Variants in GREB1L observed in about 807,000 individuals in gnomAD.
GREB1L encodes the protein GREB1 like retinoic acid receptor coactivator.
GREB1L carries 17 observed loss-of-function variants against 200.8 expected under a neutral mutation model. The observed-to-expected ratio is 0.08, with a 90% confidence interval of 0.06 to 0.13. The LOEUF is 0.13. GREB1L is among the 10% of genes least tolerant of loss of function. The probability of loss-of-function intolerance (pLI) is 1.00; values close to 1 mark genes in which losing one functional copy is unlikely to be tolerated. For synonymous variants in GREB1L, 789 were observed against 893.0 expected (o/e 0.88, Z 2.08); for missense variants, 1,657 against 2,367.7 (o/e 0.70, Z 6.23).
intron 6 of GREB1L, among the ~76,000 whole-genome samples, chr18:21,402,075 T>G (rs1301712942): frequency 6.6e-6 from 1 of 152,212 alleles, no homozygotes; most frequent in East Asian, 1.9e-4. Flanking sequence ...TTCTCTTAGT[T>G]ATCTTTGAAG....
chr18:21,441,464 T>C lies in GREB1L; in HGVS notation c.1134T>C (p.Ile378=). Residue 378 remains isoleucine, a synonymous_variant, in exon 10 of 33, where the codon ATT becomes ATC. Transcript: ENST00000424526. ...CTGGAATTTTACAACCCAGGCCCAT[T>C]CCTGCAGGGGAAACTGTAATTGTTC... The part of the protein sequence containing the change: ...PLTGILQPRP[I]PAGETVIVPE... 1.3e-6 allele frequency: 2 copies of C among 1,551,640 alleles called. No individual in the cohort carries two copies. The highest frequency in any genetic ancestry group is 2.4e-5 in the South Asian group (2 of 84,052).
chr18:21,367,261 C>A (rs965326842), intron 2 of GREB1L, among the ~76,000 whole-genome samples: 2 of 152,126 alleles, frequency 1.3e-5, no homozygotes, highest in Admixed American at 1.3e-4. Context: ...GGAATGCTCG[C>A]TTTTGTCTAA....
chr18:21,465,647 G>A (rs1217563524), intron 15 of GREB1L, among the ~76,000 whole-genome samples: 1 of 152,126 alleles, frequency 6.6e-6, no homozygotes, highest in Non-Finnish European at 1.5e-5. Context: ...AATAGAATGT[G>A]AAGTTAAAAT....
rs2037650137 is a variant in GREB1L at position 21,524,340 on chromosome 18, A to G, written c.*1519A>G. 2 of 152,230 alleles carry G rather than the reference A, an allele frequency of 1.3e-5. No individual in the cohort carries two copies. Among genetic ancestry groups the G allele is most frequent in the Non-Finnish European group, 2.9e-5 (2 of 68,032 alleles). 9.4% of individuals were successfully genotyped at this position (152,230 alleles called of 1,614,324 possible). On this transcript the variant is annotated 3_prime_UTR_variant, in exon 33 of 33. Transcript: ENST00000424526. ...GGTTTGCAGATCTCTTGGTTTTAAT[A>G]TAGCTACTTATAATGCTTTAACTGT...
At chr18:21,330,493 G>A (rs900701438) in intron 1 of GREB1L, among the ~76,000 whole-genome samples, 5 of 152,308 alleles carry the variant, frequency 3.3e-5, no homozygotes, top group Non-Finnish European at 7.4e-5. Flanking sequence ...TCCATTTCGT[G>A]TTGATTGCTT....
At chr18:21,244,805 T>C (rs1442219236) in intron 1 of GREB1L, among the ~76,000 whole-genome samples, 3 of 152,208 alleles carry the variant, frequency 2.0e-5, no homozygotes, top group African/African-American at 7.2e-5. Context: ...GGGCCTCTCA[T>C]GTCACCTTGT....
In GREB1L at chr18:21,490,098, C is replaced by T. The variant is rs569900756; in HGVS notation, c.2777C>T (p.Ala926Val). 6.1e-4 allele frequency: 945 copies of T among 1,551,868 alleles called. 16 individuals carry two copies. The South Asian group carries it at 0.011, about 18-fold the overall frequency. ...SEALMALTTMASLRDHSTPET... is the reference protein window; with the variant it reads ...SEALMALTTMVSLRDHSTPET... ...GCCCTGATGGCTCTCACCACCATGGCGTCACTCCGCGACCACAGCACACCA... is the reference window on the plus strand; with the variant it reads ...GCCCTGATGGCTCTCACCACCATGGTGTCACTCCGCGACCACAGCACACCA... The change falls in exon 19 of 33, where the codon GCG becomes GTG. Residue 926 changes from alanine to valine, a missense_variant. Around this residue, in one of 9 missense-constraint regions of GREB1L, gnomAD observed 82 missense variants for 95.9 expected, o/e 0.85. Transcript: ENST00000424526.
intron 7 of GREB1L, among the ~76,000 whole-genome samples, chr18:21,407,008 G>A (rs559312667): frequency 1.3e-5 from 2 of 151,738 alleles, no homozygotes; most frequent in Admixed American, 1.3e-4. Context: ...CCGAGTAGCT[G>A]GGATTACAGG....
intron 1 of GREB1L, chr18:21,363,963 T>C (rs2039619035): frequency 6.6e-6 from 1 of 152,238 alleles, no homozygotes; most frequent in African/African-American, 2.4e-5. Flanking sequence ...GAATATATTA[T>C]GTGAGGATTT....
Position 21,525,010 on chromosome 18 carries a change from G to GTATATATATATA in GREB1L, c.*2190_*2191insATATATATATAT, listed in dbSNP as rs2037660908. On this transcript the variant is annotated 3_prime_UTR_variant, in exon 33 of 33. Transcript: ENST00000424526. ...ACAAGCACAGGACACCATGATTTGT[G>GTATATATATATA]TGTATATATATATATATCCTAGTGT... 1 of 6,996 alleles carries GTATATATATATA rather than the reference G, an allele frequency of 1.4e-4. No individual in the cohort carries two copies. Among genetic ancestry groups the GTATATATATATA allele is most frequent in the African/African-American group, 1.7e-4 (1 of 5,976 alleles). The allele number at this position is 6,996 out of a possible 1,614,324, so 0.4% of individuals were successfully genotyped here.
At chr18:21,312,879 G>A (rs573333257) in intron 1 of GREB1L, among the ~76,000 whole-genome samples, 38 of 152,252 alleles carry the variant, frequency 2.5e-4, no homozygotes, top group South Asian at 6.2e-4. Context: ...ACTGGTGTGA[G>A]ATCATATCTC....
At chr18:21,357,100 G>T in intron 1 of GREB1L, among the ~76,000 whole-genome samples, 1 of 152,146 alleles carries the variant, frequency 6.6e-6, no homozygotes, top group African/African-American at 2.4e-5. Flanking sequence ...TGTTGCCCAG[G>T]CTGGAGTGCA....
intron 28 of GREB1L, among the ~76,000 whole-genome samples, chr18:21,515,130 G>A (rs1006109299): frequency 6.6e-6 from 1 of 152,072 alleles, no homozygotes; most frequent in Non-Finnish European, 1.5e-5. Flanking sequence ...CCAACCTCCG[G>A]CTACCTCTTC....
intron 17 of GREB1L, among the ~76,000 whole-genome samples, chr18:21,485,013 C>G (rs909878185): frequency 1.3e-5 from 2 of 152,150 alleles, no homozygotes; most frequent in African/African-American, 4.8e-5. Context: ...TGTCACACTT[C>G]TCAAGATCCT....
intron 7 of GREB1L, among the ~76,000 whole-genome samples, chr18:21,420,367 C>A (rs1355066296): frequency 1.3e-5 from 2 of 148,668 alleles, no homozygotes; most frequent in Non-Finnish European, 3.0e-5. Flanking sequence ...GTGAGAGACT[C>A]CATCTCGAAA....
intron 1 of GREB1L, among the ~76,000 whole-genome samples, chr18:21,319,374 C>T (rs112903482): frequency 1.4e-4 from 21 of 152,306 alleles, no homozygotes; most frequent in African/African-American, 4.6e-4. Context: ...AATTAAAAGG[C>T]TTTTCCTATT....
intron 4 of GREB1L, among the ~76,000 whole-genome samples, chr18:21,390,464 T>C (rs963094888): frequency 5.3e-5 from 8 of 152,180 alleles, no homozygotes; most frequent in Non-Finnish European, 8.8e-5. Flanking sequence ...ATTCTGACCC[T>C]GTGTAGGCCT....
intron 15 of GREB1L, among the ~76,000 whole-genome samples, chr18:21,459,206 C>G (rs1182081855): frequency 6.6e-6 from 1 of 151,244 alleles, no homozygotes; most frequent in Middle Eastern, 3.4e-3. Flanking sequence ...TTTAAGGAAG[C>G]AGTAGACATT....
In GREB1L at chr18:21,520,675, TTGA is replaced by T. The variant is rs1466317355; in HGVS notation, c.5473-8_5473-6del. The T allele has an allele frequency of 1.3e-6, 2 of 1,551,616 alleles. No homozygotes were observed. Among genetic ancestry groups the T allele is most frequent in the Non-Finnish European group, 1.7e-6 (2 of 1,146,920 alleles). On this transcript the variant is annotated splice_polypyrimidine_tract_variant and intron_variant, in intron 31 of 32. Transcript: ENST00000424526. Reference sequence around the variant, plus strand: ...CTTGAAATGCCCATGCTATTTTTGCTTGATGATTTCAGGTGGCCATATGCTATA... The same window carrying T: ...CTTGAAATGCCCATGCTATTTTTGCTTGATTTCAGGTGGCCATATGCTATA...
Sources: allele counts gnomAD v4.1 joint callset (sites outside exome capture counted in the v4.1 genomes callset), GRCh38; gene constraint gnomAD v4.1.1; regional missense constraint gnomAD v4.1.1; transcripts MANE v1.5; gene names NCBI Gene and HGNC (gene_info 2026-07-23, HGNC 2026-07-21).